NAA40: variants seen among roughly 807,000 people sequenced by gnomAD.
NAA40 encodes the protein N-alpha-acetyltransferase 40, NatD catalytic subunit.
NAA40 carries 26 observed loss-of-function variants against 36.6 expected under a neutral mutation model. The ratio of observed to expected loss-of-function variants is 0.71; its 90% confidence interval spans 0.52 to 0.98. The LOEUF is 0.98. NAA40 is among the 50% of genes least tolerant of loss of function. The probability of loss-of-function intolerance (pLI) is 0.00; values close to 1 mark genes in which losing one functional copy is unlikely to be tolerated. For missense variants in NAA40, 237 were observed against 306.5 expected (o/e 0.77, Z 1.69); for synonymous variants, 129 against 108.4 (o/e 1.19, Z -1.18).
At chr11:63,941,329 G>C (rs1035747367) in intron 1 of NAA40, among the ~76,000 whole-genome samples, 1 of 152,208 alleles carries the variant, frequency 6.6e-6, no homozygotes, top group African/African-American at 2.4e-5. Flanking sequence ...TGAGGCTTCA[G>C]ATGGAGCGCT....
At chr11:63,949,991 G>A (rs936164430) in intron 3 of NAA40, among the ~76,000 whole-genome samples, 45 of 151,836 alleles carry the variant, frequency 3.0e-4, no homozygotes, top group Admixed American at 1.6e-3. Context: ...TGATCCGCCC[G>A]CCTCGGCCTC....
intron 1 of NAA40, among the ~76,000 whole-genome samples, chr11:63,939,708 C>T (rs888884706): frequency 3.9e-5 from 6 of 152,152 alleles, no homozygotes; most frequent in Non-Finnish European, 8.8e-5. Context: ...AGACTCCTGC[C>T]TTCGACGCCT....
rs767104156 is a variant in NAA40 at position 63,952,406 on chromosome 11, G to A, written c.252-1G>A. 4 of 1,614,028 alleles carry A rather than the reference G, an allele frequency of 2.5e-6. No individual in the cohort carries two copies. The African/African-American group carries it at 5.3e-5, about 22-fold the overall frequency. ...CGTCTGACTGCTCCCAAATTCCCCAGGTATGAGCAGAGCGAGTGGGGCTGG... is the reference window on the plus strand; with the variant it reads ...CGTCTGACTGCTCCCAAATTCCCCAAGTATGAGCAGAGCGAGTGGGGCTGG... On this transcript the variant is annotated splice_acceptor_variant, in intron 4 of 7. Coordinates refer to ENST00000377793, the MANE Select transcript of NAA40 (RefSeq NM_024771.4). LOFTEE classifies it high-confidence loss of function.
chr11:63,939,789 G>A (rs1372197176), intron 1 of NAA40, among the ~76,000 whole-genome samples: 1 of 152,120 alleles, frequency 6.6e-6, no homozygotes, highest in African/African-American at 2.4e-5. Flanking sequence ...GGTGTTTTTT[G>A]CAAGGGGAGG....
Position 63,954,681 on chromosome 11 carries a change from A to C in NAA40, c.*202A>C. The C allele has an allele frequency of 2.2e-6, 1 of 464,622 alleles. No individual in the cohort carries two copies. The highest frequency in any genetic ancestry group is 3.6e-6 in the Non-Finnish European group (1 of 279,134). The allele number at this position is 464,622 out of a possible 1,614,324, so 28.8% of individuals were successfully genotyped here. The stretch of plus-strand genomic sequence containing the variant: ...TAGGAGACCAGAGTGCTAGAAGGGA[A>C]TGAAAGGGAGAGGGAAGAGTAGGTG... On this transcript the variant is annotated 3_prime_UTR_variant, in exon 8 of 8. Coordinates refer to ENST00000377793, the MANE Select transcript of NAA40 (RefSeq NM_024771.4).
At position 63,951,473 on chromosome 11, in the gene NAA40, A is replaced by G. The variant is rs553783526; in HGVS notation, c.156-765A>G. Among the ~76,000 whole-genome samples, 4 of 152,216 alleles carry G rather than the reference A, an allele frequency of 2.6e-5. No individual in the cohort carries two copies. The East Asian group carries it at 5.8e-4, about 22-fold the overall frequency. Reference sequence around the variant, plus strand: ...ATTCTCCTGCCTCAGCCTCCCGAGTAGCTGGGATTACAGGCACCCACCACC... The same window carrying G: ...ATTCTCCTGCCTCAGCCTCCCGAGTGGCTGGGATTACAGGCACCCACCACC... On this transcript the variant is annotated intron_variant, in intron 3 of 7. Transcript: ENST00000377793.
At chr11:63,941,905 G>C (rs1353286642) in intron 1 of NAA40, among the ~76,000 whole-genome samples, 1 of 152,132 alleles carries the variant, frequency 6.6e-6, no homozygotes, top group Non-Finnish European at 1.5e-5. Flanking sequence ...TCGTAGAACT[G>C]TGTGTGGAGT....
chr11:63,954,704 G>A lies in NAA40; in HGVS notation c.*225G>A. On this transcript the variant is annotated 3_prime_UTR_variant, in exon 8 of 8. Coordinates refer to ENST00000377793, the MANE Select transcript of NAA40 (RefSeq NM_024771.4). ...GAATGAAAGGGAGAGGGAAGAGTAG[G>A]TGGGGCCGGGCAGTGAAGCTCATCC... 2.4e-6 allele frequency: 1 copy of A among 413,812 alleles called. No homozygotes were observed. The highest frequency in any genetic ancestry group is 4.6e-5 in the Admixed American group (1 of 21,786). The allele number at this position is 413,812 out of a possible 1,614,324, so 25.6% of individuals were successfully genotyped here. A position where few individuals can be genotyped will look rare whatever the true frequency, so the allele number is the denominator to read the frequency against.
chr11:63,949,789 G>A (rs939983364), intron 3 of NAA40, among the ~76,000 whole-genome samples: 5 of 140,344 alleles, frequency 3.6e-5, no homozygotes, highest in South Asian at 4.6e-4. Flanking sequence ...CTGTCACCCA[G>A]GCTGGAGTGC....
At chr11:63,950,607 C>T (rs1274591596) in intron 3 of NAA40, among the ~76,000 whole-genome samples, 2 of 152,010 alleles carry the variant, frequency 1.3e-5, no homozygotes, top group East Asian at 3.9e-4. Context: ...GGATTACAGG[C>T]ACCCCCCACC....
intron 3 of NAA40, among the ~76,000 whole-genome samples, chr11:63,947,293 G>C (rs1003213188): frequency 2.0e-5 from 3 of 152,030 alleles, no homozygotes; most frequent in Admixed American, 1.3e-4. Context: ...TGTAATCCCA[G>C]CTACTCGGGA....
At chr11:63,946,033 C>T in intron 2 of NAA40, 98 bp downstream of exon 2, 2 of 1,051,596 alleles carry the variant, frequency 1.9e-6, no homozygotes, top group Non-Finnish European at 2.9e-6. Context: ...AATTGTGACA[C>T]TACCCACCCA....
chr11:63,948,145 G>A (rs924212040), intron 3 of NAA40, among the ~76,000 whole-genome samples: 1 of 152,138 alleles, frequency 6.6e-6, no homozygotes, highest in South Asian at 2.1e-4. Context: ...GTGAGCCACC[G>A]CGCCTGGCCT....
intron 1 of NAA40, among the ~76,000 whole-genome samples, chr11:63,942,529 T>C (rs756349271): frequency 6.6e-6 from 1 of 152,218 alleles, no homozygotes; most frequent in Non-Finnish European, 1.5e-5. Flanking sequence ...TCCAGGTCTT[T>C]TGATTCAAAA....
chr11:63,951,418 A>G (rs1942277297), intron 3 of NAA40, among the ~76,000 whole-genome samples: 1 of 152,060 alleles, frequency 6.6e-6, no homozygotes, highest in South Asian at 2.1e-4. Context: ...ATCTTGGCTC[A>G]CTGCAACCTC....
At chr11:63,946,770 C>G in intron 2 of NAA40, 181 bp from the exon 3 acceptor site, 1 of 1,536,588 alleles carries the variant, frequency 6.5e-7, no homozygotes, top group South Asian at 1.2e-5. Flanking sequence ...CAAAGCCTTC[C>G]TCGCACATGT....
intron 1 of NAA40, 22 bp downstream of exon 1, chr11:63,939,124 G>A (rs749307880): frequency 2.5e-6 from 4 of 1,603,802 alleles, no homozygotes; most frequent in Non-Finnish European, 3.4e-6. Context: ...AGAGAGAGGA[G>A]ATGGGAGGTC....
chr11:63,952,576 T>G lies in NAA40; in HGVS notation c.410+11T>G. 1.9e-6 allele frequency: 3 copies of G among 1,612,734 alleles called. No individual in the cohort carries two copies. The South Asian group carries it at 3.3e-5, about 18-fold the overall frequency. ...TGAAGTCCTGTACTGGTAGGAGCCA[T>G]GGCTTGGGGGAGGTAGGGGAGAGAG... On this transcript the variant is annotated intron_variant, in intron 5 of 7. Transcript: ENST00000377793.
rs1361751200 is a variant in NAA40 at position 63,939,234 on chromosome 11, G to C, written c.6+132G>C. ...CTCACGTGACCCCTGACCCCCACAT[G>C]ACCCGACTCCCCCATTCTAAGGGTC... On this transcript the variant is annotated intron_variant, in intron 1 of 7. Transcript: ENST00000377793. 11 of 1,265,414 alleles carry C rather than the reference G, an allele frequency of 8.7e-6. No individual in the cohort carries two copies. In the East Asian group the frequency reaches 3.2e-4, roughly 37 times the overall value. The allele number at this position is 1,265,414 out of a possible 1,614,324, so 78.4% of individuals were successfully genotyped here.
Sources: gnomAD v4.1 joint callset for allele counts (sites outside exome capture counted in the v4.1 genomes callset) on GRCh38, gnomAD v4.1.1 for gene constraint, MANE v1.5 for transcripts, NCBI Gene and HGNC (gene_info 2026-07-23, HGNC 2026-07-21) for gene names.